ARHGAP30: variants seen among roughly 807,000 people sequenced by gnomAD.
ARHGAP30 encodes the protein rho GTPase-activating protein 30.
In ARHGAP30, 23 loss-of-function variants were observed where a neutral mutation model predicts 72.0. The observed-to-expected ratio is 0.32, with a 90% confidence interval of 0.23 to 0.45. ARHGAP30 has a LOEUF of 0.45. Among genes scored for constraint, ARHGAP30 ranks in the 20% least tolerant of loss-of-function variants. ARHGAP30 has a pLI of 1.00. For missense variants in ARHGAP30, 1,319 were observed against 1,383.4 expected (o/e 0.95, Z 0.74); for synonymous variants, 576 against 528.2 (o/e 1.09, Z -1.24).
rs1223346298 is a variant in ARHGAP30, at chr1:161,049,193, G to A, written c.1828C>T (p.Leu610=). 1 of 1,614,174 alleles carries A rather than the reference G, an allele frequency of 6.2e-7. No homozygotes were observed. The highest frequency in any genetic ancestry group is 8.5e-7 in the Non-Finnish European group (1 of 1,180,012). The part of the protein sequence containing the change: ...VEEENGEEVF[L]SAYDDLSPLL... ...GGACTTAGGTCATCATAGGCACTCA[G>A]GAAAACTTCCTCCCCATTTTCCTCC... Residue 610 remains leucine (L), a synonymous_variant, in exon 12 of 12, where the codon CTG becomes TTG. Coordinates refer to ENST00000368013, the MANE Select transcript of ARHGAP30 (RefSeq NM_001025598.2).
In ARHGAP30 at chr1:161,051,518, G is replaced by A; in HGVS notation, c.1216C>T (p.Arg406Cys). 1 of 1,614,222 alleles carries A rather than the reference G, an allele frequency of 6.2e-7. No homozygotes were observed. The highest frequency in any genetic ancestry group is 1.7e-5 in the Admixed American group (1 of 60,030). Reference sequence around the variant, plus strand: ...TCTGAGATGTGGACACCAGCACAGCGTTCTGCACGGCTGCTGCCCCCAGCC... The same window carrying A: ...TCTGAGATGTGGACACCAGCACAGCATTCTGCACGGCTGCTGCCCCCAGCC... ...IRAGGSSRAE[R>C]CAGVHISDPY... Residue 406 changes from arginine to cysteine, a missense_variant, in exon 10 of 12, where the codon CGC becomes TGC. Arg to Cys is a radical substitution (Grantham distance 180). Coordinates refer to ENST00000368013, the MANE Select transcript of ARHGAP30 (RefSeq NM_001025598.2).
Position 161,060,697 on chromosome 1 carries a change from C to CT in ARHGAP30, c.98-982dup, listed in dbSNP as rs1311336285. On this transcript the variant is annotated intron_variant, in intron 1 of 11. Transcript: ENST00000368013. ...TTGGTAGGGGAGGCAGAGTCAAGGA[C>CT]TTTTTTTTTTTTTTTTTTTTTTGAG... 8.7e-3 allele frequency among the ~76,000 whole-genome samples: 900 copies of CT among 103,426 alleles called. 3 individuals carry two copies. Among genetic ancestry groups the CT allele is most frequent in the Middle Eastern group, 0.012 (2 of 170 alleles). The allele number at this position is 103,426 out of a possible 152,430, so 67.9% of individuals were successfully genotyped here.
chr1:161,048,084 A>C lies in ARHGAP30; in HGVS notation c.2937T>G (p.Ala979=), dbSNP rs754494456. The change falls in exon 12 of 12, where the codon GCT becomes GCG. Residue 979 remains alanine, a synonymous_variant. Coordinates refer to ENST00000368013, the MANE Select transcript of ARHGAP30 (RefSeq NM_001025598.2). ...AGGATCGAGAAGCTCGGGACCCCCA[A>C]GCCCTTTCTCCAGGAGTCCCATCAA... ...GRLDGTPGER[A]WGSRASRSSW... 1.2e-6 allele frequency: 2 copies of C among 1,614,174 alleles called. No homozygotes were observed. Among genetic ancestry groups the C allele is most frequent in the Non-Finnish European group, 1.7e-6 (2 of 1,180,026 alleles).
In ARHGAP30 at chr1:161,047,119, C is replaced by T. The variant is rs1650898509; in HGVS notation, c.*596G>A. The T allele has an allele frequency of 6.6e-6, 2 of 301,138 alleles. No individual in the cohort carries two copies. The highest frequency in any genetic ancestry group is 2.6e-5 in the South Asian group (1 of 38,284). 18.7% of individuals were successfully genotyped at this position (301,138 alleles called of 1,614,324 possible). A position where few individuals can be genotyped will look rare whatever the true frequency, so the allele number is the denominator to read the frequency against. On this transcript the variant is annotated 3_prime_UTR_variant, in exon 12 of 12. Transcript: ENST00000368013. ...GAGCCCAGAGAGATCTGTACAGGAC[C>T]TCTCTTGCACATGGTGACTGGAGGC...
chr1:161,057,530 C>T (rs1651966790), intron 2 of ARHGAP30, among the ~76,000 whole-genome samples: 1 of 151,874 alleles, frequency 6.6e-6, no homozygotes, highest in Admixed American at 6.6e-5. Flanking sequence ...CCCCACTACT[C>T]AGAAGGCTGA....
chr1:161,062,423 A>G (rs879383715), intron 1 of ARHGAP30, among the ~76,000 whole-genome samples: 2 of 151,894 alleles, frequency 1.3e-5, no homozygotes, highest in African/African-American at 2.4e-5. Flanking sequence ...GTGAACTTCT[A>G]TGCATTCCTT....
At chr1:161,050,643 T>G (rs927870746) in intron 10 of ARHGAP30, among the ~76,000 whole-genome samples, 7 of 150,852 alleles carry the variant, frequency 4.6e-5, no homozygotes, top group South Asian at 2.1e-4. Context: ...TTTTTTGTTT[T>G]TTTTTTTTTA....
At chr1:161,056,232 T>C (rs1485700743) in intron 3 of ARHGAP30, among the ~76,000 whole-genome samples, 156 bp downstream of exon 3, 1 of 152,100 alleles carries the variant, frequency 6.6e-6, no homozygotes, top group East Asian at 1.9e-4. Flanking sequence ...GGCTAGGAGA[T>C]TTGGGGAGGA....
At chr1:161,063,431 C>T (rs1022677482) in intron 1 of ARHGAP30, among the ~76,000 whole-genome samples, 1 of 152,242 alleles carries the variant, frequency 6.6e-6, no homozygotes, top group African/African-American at 2.4e-5. Context: ...TTCATGGACA[C>T]TTATCACTTC....
At position 161,069,214 on chromosome 1, in the gene ARHGAP30, A is replaced by T. The variant is rs1571135177; in HGVS notation, c.97+314T>A. On this transcript the variant is annotated intron_variant, in intron 1 of 11. Transcript: ENST00000368013. The surrounding 1 kb of genome is among the most constrained non-coding windows in gnomAD (Gnocchi z 4.9). ...CACCCTCCCTCTCCTGTTCCCAGTCACCTGCCCGCTGTTTCATCCACTCCT... is the reference window on the plus strand; with the variant it reads ...CACCCTCCCTCTCCTGTTCCCAGTCTCCTGCCCGCTGTTTCATCCACTCCT... Among the ~76,000 whole-genome samples, 1 of 151,504 alleles carries T rather than the reference A, an allele frequency of 6.6e-6. No individual in the cohort carries two copies. The highest frequency in any genetic ancestry group is 1.5e-5 in the Non-Finnish European group (1 of 67,844).
chr1:161,048,020 C>T lies in ARHGAP30; in HGVS notation c.3001G>A (p.Val1001Met). 6.2e-7 allele frequency: 1 copy of T among 1,614,172 alleles called. No individual in the cohort carries two copies. The highest frequency in any genetic ancestry group is 8.5e-7 in the Non-Finnish European group (1 of 1,180,028). Reference protein sequence around the residue: ...NGGSLSFDAAVALARDRQRTE... With the variant: ...NGGSLSFDAAMALARDRQRTE... ...CTTTGGCGGTCCCGGGCTAGGGCCA[C>T]AGCAGCATCAAAGGAAAGACTACCC... Residue 1001 changes from valine to methionine, a missense_variant, in exon 12 of 12, where the codon GTG (valine) becomes ATG (methionine). Around this residue, in one of 2 missense-constraint regions of ARHGAP30, gnomAD observed 1,097 missense variants for 1,045.2 expected, o/e 1.05. Transcript: ENST00000368013.
chr1:161,049,830 T>A lies in ARHGAP30; in HGVS notation c.1421-141A>T. The A allele has an allele frequency of 5.0e-6, 6 of 1,189,004 alleles. No homozygotes were observed. The South Asian group carries it at 9.5e-5, about 19-fold the overall frequency. The allele number at this position is 1,189,004 out of a possible 1,614,324, so 73.7% of individuals were successfully genotyped here. On this transcript the variant is annotated intron_variant, in intron 10 of 11. Transcript: ENST00000368013. ...CATGACTGATCCTTTCAGACCAATG[T>A]CCCTAGTTATTGGCTTGCTACCTTA...
chr1:161,059,481 T>G, intron 2 of ARHGAP30, 133 bp downstream of exon 2: 1 of 713,884 alleles, frequency 1.4e-6, no homozygotes, highest in Non-Finnish European at 2.3e-6. Context: ...CCCTAGGACC[T>G]TACCTAGTAT....
chr1:161,053,136 C>T, intron 6 of ARHGAP30, 122 bp downstream of exon 6: 2 of 1,409,210 alleles, frequency 1.4e-6, no homozygotes, highest in Non-Finnish European at 1.9e-6. Flanking sequence ...AGGGTTCTCT[C>T]CATGTGGCCA....
At position 161,048,219 on chromosome 1, in the gene ARHGAP30, G is replaced by C; in HGVS notation, c.2802C>G (p.Val934=). 1 of 1,614,188 alleles carries C rather than the reference G, an allele frequency of 6.2e-7. No homozygotes were observed. The highest frequency in any genetic ancestry group is 2.2e-5 in the East Asian group (1 of 44,884). The part of the protein sequence containing the change: ...LASTLVQVQQ[V]RSVPVVPPKP... ...TGGGGGGCACCACAGGCACAGAGCG[G>C]ACCTGTTGGACCTGAACCAGAGTGG... is the stretch of plus-strand genomic sequence containing the variant. The change falls in exon 12 of 12, where the codon GTC becomes GTG. Residue 934 remains valine, a synonymous_variant. Transcript: ENST00000368013.
chr1:161,052,332 T>C lies in ARHGAP30; in HGVS notation c.972A>G (p.Pro324=), dbSNP rs777816367. ...EDKSNKGTLR[P]AKSMDSLSAA... is the part of the protein sequence containing the mutation. ...CACTCAGTGAGTCCATGCTTTTGGC[T>C]GGCCGCAGTGTCCCCTTGTTGGATT... Residue 324 remains proline (P), a synonymous_variant, in exon 9 of 12, where the codon CCA becomes CCG. Transcript: ENST00000368013. 4 of 1,614,028 alleles carry C rather than the reference T, an allele frequency of 2.5e-6. No homozygotes were observed. Among genetic ancestry groups the C allele is most frequent in the African/African-American group, 1.3e-5 (1 of 75,020 alleles).
At chr1:161,064,410 T>C (rs531289697) in intron 1 of ARHGAP30, among the ~76,000 whole-genome samples, 1 of 152,340 alleles carries the variant, frequency 6.6e-6, no homozygotes, top group Non-Finnish European at 1.5e-5. Flanking sequence ...AGTGACAGAA[T>C]ACTGGGTTCT....
intron 2 of ARHGAP30, among the ~76,000 whole-genome samples, chr1:161,058,061 G>A (rs189640480): frequency 2.2e-3 from 332 of 152,206 alleles, no homozygotes; most frequent in African/African-American, 7.8e-3. Context: ...TGAGGCAGGA[G>A]AATCGCTTGA....
intron 6 of ARHGAP30, 138 bp from the exon 7 acceptor site, chr1:161,052,935 C>T: frequency 2.7e-6 from 3 of 1,122,586 alleles, no homozygotes; most frequent in South Asian, 1.6e-5. Context: ...CCTCCATGTC[C>T]ATCACCTCAA....
Sources: gnomAD v4.1 joint callset for allele counts (sites outside exome capture counted in the v4.1 genomes callset) on GRCh38, gnomAD v4.1.1 for gene constraint, gnomAD v4.1.1 regional missense constraint, Gnocchi (gnomAD v3.1) non-coding constraint, MANE v1.5 for transcripts, NCBI Gene and HGNC (gene_info 2026-07-23, HGNC 2026-07-21) for gene names.